THOC7: variants seen among roughly 807,000 people sequenced by gnomAD.
The protein encoded by THOC7 is THO complex subunit 7.
THOC7 carries 22 observed loss-of-function variants against 33.1 expected under a neutral mutation model. That is an observed-to-expected ratio of 0.66 (90% CI 0.47 to 0.95). The LOEUF is 0.95. THOC7 is among the 40% of genes least tolerant of loss of function. The pLI, the probability that THOC7 is intolerant of heterozygous loss-of-function variation, is 0.00. For synonymous variants in THOC7, 77 were observed against 76.8 expected (o/e 1.00, Z -0.01); for missense variants, 184 against 245.3 (o/e 0.75, Z 1.67).
At chr3:63,854,091 T>C (rs929788801) in intron 1 of THOC7, among the ~76,000 whole-genome samples, 1 of 152,192 alleles carries the variant, frequency 6.6e-6, no homozygotes, top group Non-Finnish European at 1.5e-5. Context: ...GGGAAGGTCA[T>C]GGCGTTTCTA....
Position 63,857,452 on chromosome 3 carries a change from T to TA in THOC7, c.19+6319dup, listed in dbSNP as rs565210412. Among the ~76,000 whole-genome samples the TA allele has an allele frequency of 1.8e-4, 28 of 152,090 alleles. No homozygotes were observed. In the South Asian group the frequency reaches 5.2e-3, roughly 28 times the overall value. On this transcript the variant is annotated intron_variant, in intron 1 of 7. Coordinates refer to ENST00000295899, the MANE Select transcript of THOC7 (RefSeq NM_025075.4). ...AACAAGAAGAGAGACTAAGGCCATG[T>TA]AAAAAAAATGTTCATGCAGATTCCT...
chr3:63,837,172 T>A (rs753193498), intron 4 of THOC7, among the ~76,000 whole-genome samples: 6 of 151,970 alleles, frequency 3.9e-5, no homozygotes, highest in Admixed American at 2.0e-4. Flanking sequence ...ATACAAATTT[T>A]TTGAATTACA....
intron 1 of THOC7, among the ~76,000 whole-genome samples, chr3:63,859,956 C>G (rs930600811): frequency 2.0e-4 from 31 of 152,128 alleles, no homozygotes; most frequent in Non-Finnish European, 3.8e-4. Context: ...CCACCTAAAC[C>G]ACATTGTCCA....
chr3:63,835,298 T>C (rs915397807), intron 6 of THOC7, 26 bp downstream of exon 6: 19 of 1,613,176 alleles, frequency 1.2e-5, no homozygotes, highest in Non-Finnish European at 1.6e-5. Context: ...AGACAGATCA[T>C]GAAGGCTAAA....
At position 63,838,505 on chromosome 3, in the gene THOC7, G is replaced by A. The variant is rs1171934830; in HGVS notation, c.138-6C>T. 6.3e-7 allele frequency: 1 copy of A among 1,577,316 alleles called. No individual in the cohort carries two copies. Among genetic ancestry groups the A allele is most frequent in the South Asian group, 1.2e-5 (1 of 82,600 alleles). ...TACGTTGGTACTGGCTATATCTAAT[G>A]AAAAAGAAAGAAAACCAAAATAAAG... On this transcript the variant is annotated splice_polypyrimidine_tract_variant and splice_region_variant and intron_variant, in intron 2 of 7. Coordinates refer to ENST00000295899, the MANE Select transcript of THOC7 (RefSeq NM_025075.4).
chr3:63,857,466 A>T (rs926269686), intron 1 of THOC7, among the ~76,000 whole-genome samples: 9 of 152,254 alleles, frequency 5.9e-5, no homozygotes, highest in Admixed American at 5.2e-4. Flanking sequence ...AAAAATGTTC[A>T]TGCAGATTCC....
intron 1 of THOC7, chr3:63,863,422 G>T: frequency 2.7e-6 from 3 of 1,090,936 alleles, no homozygotes; most frequent in Non-Finnish European, 3.3e-6. Flanking sequence ...ACTCCCTCTG[G>T]TCCCACCCGC....
intron 1 of THOC7, among the ~76,000 whole-genome samples, chr3:63,852,260 G>A (rs1327840914): frequency 2.6e-5 from 4 of 152,160 alleles, no homozygotes; most frequent in African/African-American, 7.2e-5. Flanking sequence ...CGTCAAAGGG[G>A]CACAAGGAGT....
intron 1 of THOC7, among the ~76,000 whole-genome samples, chr3:63,849,597 A>G (rs1701981081): frequency 6.6e-6 from 1 of 152,200 alleles, no homozygotes; most frequent in Non-Finnish European, 1.5e-5. Flanking sequence ...GCAAATTTAA[A>G]AGACGGCTAT....
intron 1 of THOC7, among the ~76,000 whole-genome samples, chr3:63,847,668 C>A (rs1183373693): frequency 2.0e-5 from 3 of 152,044 alleles, no homozygotes; most frequent in Non-Finnish European, 2.9e-5. Context: ...ACCCAGGAGG[C>A]AGAGGTTGCA....
chr3:63,863,797 CGCGGCGGCG>C (rs546741642), exon 1 of THOC7: 64,216 of 1,244,844 alleles, frequency 0.052, 1,762 homozygotes, highest in Non-Finnish European at 0.057. Flanking sequence ...CCATGGCGTG[CGCGGCGGCG>C]GCGGCGGCGG....
chr3:63,863,854 A>AGGT (rs1445780080), upstream of THOC7: 2 of 1,207,188 alleles, frequency 1.7e-6, no homozygotes, highest in Non-Finnish European at 2.0e-6. Flanking sequence ...GCGGCGGCGG[A>AGGT]GGTCAAACTC....
intron 5 of THOC7, among the ~76,000 whole-genome samples, chr3:63,835,754 C>T (rs187179147): frequency 9.2e-5 from 14 of 152,154 alleles, no homozygotes; most frequent in African/African-American, 2.6e-4. Context: ...TTGAATCTTA[C>T]GCCTAGTCCT....
chr3:63,843,671 T>C (rs1246391457), intron 1 of THOC7, among the ~76,000 whole-genome samples: 2 of 151,888 alleles, frequency 1.3e-5, no homozygotes, highest in Non-Finnish European at 2.9e-5. Flanking sequence ...GAGGCCAAGG[T>C]GGGCGCATCA....
intron 7 of THOC7, among the ~76,000 whole-genome samples, chr3:63,834,597 T>C (rs534863003): frequency 2.0e-5 from 3 of 151,684 alleles, no homozygotes; most frequent in South Asian, 4.2e-4. Flanking sequence ...AAGGTGAGGA[T>C]TGCAGTGAGC....
intron 1 of THOC7, among the ~76,000 whole-genome samples, chr3:63,852,579 T>C (rs1390075623): frequency 6.6e-6 from 1 of 152,078 alleles, no homozygotes; most frequent in African/African-American, 2.4e-5. Context: ...TGTAGAACAC[T>C]AGGGAGGCTG....
At chr3:63,860,180 A>G (rs1702182687) in intron 1 of THOC7, among the ~76,000 whole-genome samples, 1 of 151,984 alleles carries the variant, frequency 6.6e-6, no homozygotes, top group African/African-American at 2.4e-5. Context: ...CTGAGACTAC[A>G]GGTGCACACC....
chr3:63,860,807 A>G (rs1167336592), intron 1 of THOC7: 1 of 152,218 alleles, frequency 6.6e-6, no homozygotes, highest in Admixed American at 6.5e-5. Flanking sequence ...GTTTTCTAGC[A>G]TAAGGCATAT....
intron 1 of THOC7, among the ~76,000 whole-genome samples, chr3:63,862,953 C>G (rs1443234214): frequency 1.3e-5 from 2 of 152,036 alleles, no homozygotes; most frequent in African/African-American, 4.8e-5. Flanking sequence ...CTAAATTCAT[C>G]CCAGCTGACA....
Sources: allele counts gnomAD v4.1 joint callset (sites outside exome capture counted in the v4.1 genomes callset), GRCh38; gene constraint gnomAD v4.1.1; transcripts MANE v1.5; gene names NCBI Gene and HGNC (gene_info 2026-07-23, HGNC 2026-07-21).